DENND4A: variants seen among roughly 807,000 people sequenced by gnomAD.
DENND4A encodes the protein C-myc promoter-binding protein.
In DENND4A, 70 loss-of-function variants were observed where a neutral mutation model predicts 199.3. The ratio of observed to expected loss-of-function variants is 0.35; its 90% CI spans 0.29 to 0.43. DENND4A has a LOEUF of 0.43. DENND4A is among the 20% of genes least tolerant of loss of function. The pLI, the probability that DENND4A is intolerant of heterozygous loss-of-function variation, is 1.00. For synonymous variants in DENND4A, 686 were observed against 766.9 expected (o/e 0.89, Z 1.74); for missense variants, 1,723 against 2,255.8 (o/e 0.76, Z 4.78).
intron 32 of DENND4A, among the ~76,000 whole-genome samples, chr15:65,663,178 A>G (rs8027388): frequency 0.21 from 20,784 of 96,968 alleles, 1,456 homozygotes; most frequent in East Asian, 0.56. Context: ...GTGTGTGTGT[A>G]TATATATATA....
chr15:65,764,698 GCA>G (rs1392879771), intron 1 of DENND4A, among the ~76,000 whole-genome samples: 1 of 151,740 alleles, frequency 6.6e-6, no homozygotes, highest in Admixed American at 6.6e-5. Flanking sequence ...AAGTGGCCAG[GCA>G]CAGTGGCTCA....
At chr15:65,710,583 C>CAA (rs199780625) in intron 14 of DENND4A, among the ~76,000 whole-genome samples, 5 of 150,778 alleles carry the variant, frequency 3.3e-5, no homozygotes, top group African/African-American at 1.2e-4. Context: ...TCTTTATATA[C>CAA]AAAAAAAAAC....
intron 20 of DENND4A, among the ~76,000 whole-genome samples, chr15:65,697,867 T>TA (rs1195272907): frequency 1.3e-5 from 2 of 152,200 alleles, no homozygotes; most frequent in African/African-American, 4.8e-5. Flanking sequence ...AATTAATTTT[T>TA]AAAAAAATTT....
intron 1 of DENND4A, among the ~76,000 whole-genome samples, chr15:65,785,589 G>A (rs74366807): frequency 1.1e-4 from 16 of 150,990 alleles, no homozygotes; most frequent in Middle Eastern, 3.4e-3. Context: ...TAAAATTACC[G>A]AAAAATGTAG....
At chr15:65,750,595 C>T (rs535947306) in intron 4 of DENND4A, among the ~76,000 whole-genome samples, 52 of 152,232 alleles carry the variant, frequency 3.4e-4, no homozygotes, top group African/African-American at 1.2e-3. Flanking sequence ...TGGAAGGACA[C>T]AAGTCAAATT....
chr15:65,720,477 T>A (rs562510843), intron 12 of DENND4A, among the ~76,000 whole-genome samples: 5 of 150,034 alleles, frequency 3.3e-5, no homozygotes, highest in Non-Finnish European at 7.4e-5. Context: ...AGTGGCACAA[T>A]CTTGGTTCAC....
chr15:65,761,752 CAA>C (rs920004174), intron 1 of DENND4A, among the ~76,000 whole-genome samples: 7 of 151,840 alleles, frequency 4.6e-5, no homozygotes, highest in Non-Finnish European at 8.8e-5. Context: ...GTGTACAGGG[CAA>C]AGAGTGTGAG....
At chr15:65,698,726 C>CT (rs71139423) in intron 20 of DENND4A, among the ~76,000 whole-genome samples, 2,214 of 72,792 alleles carry the variant, frequency 0.03, 456 homozygotes, top group Non-Finnish European at 0.037. Context: ...TTAAGATAGC[C>CT]TTTTTTTTTT....
At chr15:65,683,020 C>T (rs2076634835) in intron 23 of DENND4A, among the ~76,000 whole-genome samples, 1 of 152,002 alleles carries the variant, frequency 6.6e-6, no homozygotes, top group Admixed American at 6.5e-5. Flanking sequence ...GATATAATAA[C>T]AAAAAAGTTT....
intron 11 of DENND4A, among the ~76,000 whole-genome samples, chr15:65,728,278 T>C (rs148800861): frequency 9.9e-5 from 15 of 151,826 alleles, no homozygotes; most frequent in African/African-American, 3.4e-4. Flanking sequence ...GCTGGGATTA[T>C]AGGCGTCAGC....
intron 32 of DENND4A, among the ~76,000 whole-genome samples, chr15:65,662,361 A>G (rs893871649): frequency 1.3e-5 from 2 of 152,150 alleles, no homozygotes; most frequent in African/African-American, 2.4e-5. Flanking sequence ...TTCATTTTTT[A>G]AATTTAAATT....
chr15:65,691,601 A>C (rs888692463), intron 22 of DENND4A, 90 bp from the exon 23 acceptor site: 8 of 1,331,740 alleles, frequency 6.0e-6, no homozygotes, highest in Non-Finnish European at 6.0e-6. Context: ...GATGAAAATG[A>C]TAATAGCAAG....
At chr15:65,756,545 A>G in intron 2 of DENND4A, 73 bp from the exon 3 acceptor site, 1 of 1,154,240 alleles carries the variant, frequency 8.7e-7, no homozygotes, top group Non-Finnish European at 1.2e-6. Context: ...TGTGCAAATA[A>G]GAACAAAAAA....
chr15:65,715,389 T>C lies in DENND4A; in HGVS notation c.1953+89A>G, dbSNP rs1344830614. The stretch of plus-strand genomic sequence containing the variant: ...GAAAATGAAATTAATTTCAATTTCA[T>C]TAAAAGCTGTACATAGAAACTATAA... On this transcript the variant is annotated intron_variant, in intron 14 of 32. Transcript: ENST00000443035. The C allele has an allele frequency of 3.2e-6, 4 of 1,247,288 alleles. No homozygotes were observed. In the South Asian group the frequency reaches 5.5e-5, roughly 17 times the overall value. The allele number at this position is 1,247,288 out of a possible 1,614,324, so 77.3% of individuals were successfully genotyped here. A position where few individuals can be genotyped will look rare whatever the true frequency, so the allele number is the denominator to read the frequency against.
intron 11 of DENND4A, 64 bp from the exon 12 acceptor site, chr15:65,723,012 T>TAA: frequency 8.0e-7 from 1 of 1,246,714 alleles, no homozygotes; most frequent in Non-Finnish European, 1.1e-6. Flanking sequence ...AAGGTATATA[T>TAA]CTGTTATATA....
At chr15:65,789,004 GTA>G (rs1462589677) in intron 1 of DENND4A, among the ~76,000 whole-genome samples, 1 of 151,484 alleles carries the variant, frequency 6.6e-6, no homozygotes, top group Admixed American at 6.6e-5. Flanking sequence ...CCATTTACAT[GTA>G]TATGTTTCTT....
In DENND4A at chr15:65,792,253, C is replaced by G. The variant is rs868006061; in HGVS notation, c.-345G>C. The G allele has an allele frequency of 1.4e-4, 22 of 152,202 alleles. No homozygotes were observed. The highest frequency in any genetic ancestry group is 4.6e-4 in the African/African-American group (19 of 41,402). 9.4% of individuals were successfully genotyped at this position (152,202 alleles called of 1,614,324 possible). A position where few individuals can be genotyped will look rare whatever the true frequency, so the allele number is the denominator to read the frequency against. On this transcript the variant is annotated 5_prime_UTR_variant, in exon 1 of 33. Transcript: ENST00000443035. The stretch of plus-strand genomic sequence containing the variant: ...ACTGCCTCCGCCTCTTTCTCCGACT[C>G]TAGCCTCCGCGGCCACCGCGACCGG...
intron 1 of DENND4A, chr15:65,771,654 T>C (rs2077129442): frequency 1.9e-6 from 3 of 1,611,984 alleles, no homozygotes; most frequent in Non-Finnish European, 2.5e-6. Context: ...GCTCTTCCAT[T>C]TGAAAAAGAA....
chr15:65,750,071 TTAAA>T (rs1278687373), intron 4 of DENND4A, among the ~76,000 whole-genome samples: 2 of 152,106 alleles, frequency 1.3e-5, no homozygotes, highest in Non-Finnish European at 2.9e-5. Context: ...AAGTAGAAAG[TTAAA>T]TAAACTGATA....
Sources: gnomAD v4.1 joint callset for allele counts (sites outside exome capture counted in the v4.1 genomes callset) on GRCh38, gnomAD v4.1.1 for gene constraint, MANE v1.5 for transcripts, NCBI Gene and HGNC (gene_info 2026-07-23, HGNC 2026-07-21) for gene names.